The following SGK3 variants were observed in gnomAD, a reference collection of about 807,000 sequenced individuals.
The protein encoded by SGK3 is serine/threonine-protein kinase Sgk3.
Under a neutral mutation model 68.5 loss-of-function variants are expected in SGK3, and 47 were observed. The ratio of observed to expected loss-of-function variants is 0.69; its 90% confidence interval spans 0.54 to 0.87. The LOEUF (loss-of-function observed/expected upper bound fraction) is 0.87. Among genes scored for constraint, SGK3 ranks in the 40% least tolerant of loss-of-function variants. The pLI is 0.00. For synonymous variants in SGK3, 181 were observed against 189.1 expected (o/e 0.96, Z 0.35); for missense variants, 479 against 575.5 (o/e 0.83, Z 1.72).
intron 1 of SGK3, among the ~76,000 whole-genome samples, chr8:66,756,057 G>A (rs1324421532): frequency 6.6e-6 from 1 of 152,118 alleles, no homozygotes; most frequent in Admixed American, 6.5e-5. Flanking sequence ...AGGTAATAAA[G>A]TTAACATGAG....
chr8:66,732,404 C>G (rs1016358638), intron 1 of SGK3, among the ~76,000 whole-genome samples: 1 of 151,642 alleles, frequency 6.6e-6, no homozygotes, highest in Non-Finnish European at 1.5e-5. Flanking sequence ...AGGAGAATCA[C>G]TTGAACCCAG....
At chr8:66,811,671 AGAAAG>A (rs1474868086) in intron 4 of SGK3, among the ~76,000 whole-genome samples, 10 of 152,362 alleles carry the variant, frequency 6.6e-5, no homozygotes, top group Middle Eastern at 6.8e-3. Flanking sequence ...AGCTCACTGA[AGAAAG>A]GAAATTCCTC....
intron 1 of SGK3, among the ~76,000 whole-genome samples, chr8:66,756,277 T>A (rs1805969969): frequency 6.6e-6 from 1 of 152,164 alleles, no homozygotes; most frequent in African/African-American, 2.4e-5. Flanking sequence ...AATGCATTTC[T>A]GTTGTTTAAA....
intron 1 of SGK3, among the ~76,000 whole-genome samples, chr8:66,738,512 C>T (rs889017883): frequency 2.0e-5 from 3 of 152,202 alleles, no homozygotes; most frequent in African/African-American, 7.2e-5. Flanking sequence ...TGGCATTCCC[C>T]GGCTATCAGC....
intron 1 of SGK3, among the ~76,000 whole-genome samples, chr8:66,782,327 T>C (rs959837754): frequency 1.9e-4 from 26 of 138,306 alleles, no homozygotes; most frequent in Non-Finnish European, 3.8e-4. Flanking sequence ...TGTGTATGGC[T>C]TTTTTTTTTT....
chr8:66,786,851 T>C (rs1364730878), intron 1 of SGK3, among the ~76,000 whole-genome samples: 1 of 149,322 alleles, frequency 6.7e-6, no homozygotes, highest in Non-Finnish European at 1.5e-5. Flanking sequence ...CATAACATCA[T>C]ACTTAACAAA....
intron 3 of SGK3, among the ~76,000 whole-genome samples, chr8:66,801,304 A>G (rs1263561096): frequency 6.6e-6 from 1 of 152,208 alleles, no homozygotes; most frequent in Non-Finnish European, 1.5e-5. Flanking sequence ...GTGATATTCA[A>G]CCTGTATAGT....
chr8:66,813,772 GT>G, intron 4 of SGK3, 80 bp from the exon 5 acceptor site: 2 of 1,231,668 alleles, frequency 1.6e-6, no homozygotes, highest in South Asian at 4.8e-5. Flanking sequence ...TCACTATCTT[GT>G]GCTTGTCTAT....
chr8:66,805,680 T>C (rs1306797638), intron 4 of SGK3, among the ~76,000 whole-genome samples: 1 of 152,188 alleles, frequency 6.6e-6, no homozygotes, highest in Non-Finnish European at 1.5e-5. Context: ...AGATGGCTAC[T>C]TACAGGGAAA....
intron 1 of SGK3, chr8:66,767,686 GA>G: frequency 7.0e-7 from 1 of 1,422,932 alleles, no homozygotes; most frequent in Non-Finnish European, 9.9e-7. Context: ...GCCATCATCT[GA>G]GGCAGGAACA....
chr8:66,717,477 G>A (rs1586664485), intron 1 of SGK3, among the ~76,000 whole-genome samples: 1 of 152,046 alleles, frequency 6.6e-6, no homozygotes. Context: ...TGCAGTGAGC[G>A]AGATCGCACC....
chr8:66,848,937 G>A (rs1810150157), intron 15 of SGK3, among the ~76,000 whole-genome samples: 1 of 152,192 alleles, frequency 6.6e-6, no homozygotes, highest in Non-Finnish European at 1.5e-5. Flanking sequence ...GCCCTCAGCA[G>A]CATTTAAACT....
At chr8:66,842,940 G>T (rs1809855686) in intron 13 of SGK3, among the ~76,000 whole-genome samples, 1 of 151,994 alleles carries the variant, frequency 6.6e-6, no homozygotes, top group South Asian at 2.1e-4. Context: ...GTGTGGTGGC[G>T]CATGCCTCTA....
intron 1 of SGK3, among the ~76,000 whole-genome samples, chr8:66,734,655 G>A (rs1283493729): frequency 2.0e-5 from 3 of 152,118 alleles, no homozygotes; most frequent in East Asian, 3.8e-4. Flanking sequence ...GTTGTCAAAA[G>A]TAGGTGCAGG....
rs576182235 is a variant in SGK3 at position 66,847,363 on chromosome 8, T to G, written c.1230+15T>G. ...AGGAAGACTTTGTATGTAACAGCTT[T>G]TCTAGCTCCAGCTTTATTTAAGCTT... On this transcript the variant is annotated intron_variant, in intron 15 of 16. Transcript: ENST00000521198. 1 of 1,609,222 alleles carries G rather than the reference T, an allele frequency of 6.2e-7. No homozygotes were observed. Among genetic ancestry groups the G allele is most frequent in the East Asian group, 2.2e-5 (1 of 44,858 alleles).
intron 1 of SGK3, chr8:66,790,978 C>T (rs1807429683): frequency 6.6e-6 from 1 of 152,192 alleles, no homozygotes; most frequent in African/African-American, 2.4e-5. Flanking sequence ...AGTTACATGA[C>T]ATGCTCAAAA....
chr8:66,814,828 T>C (rs546210316), intron 5 of SGK3, among the ~76,000 whole-genome samples: 80 of 152,360 alleles, frequency 5.3e-4, no homozygotes, highest in Non-Finnish European at 1.1e-3. Flanking sequence ...TTGGTAGATA[T>C]ATGGTTTGGC....
At chr8:66,769,295 C>T (rs1232385608) in intron 1 of SGK3, among the ~76,000 whole-genome samples, 1 of 152,158 alleles carries the variant, frequency 6.6e-6, no homozygotes, top group Non-Finnish European at 1.5e-5. Context: ...ACAATCTCAG[C>T]TCACTGAAAC....
chr8:66,832,198 A>G (rs1344076328), intron 8 of SGK3, among the ~76,000 whole-genome samples: 1 of 152,212 alleles, frequency 6.6e-6, no homozygotes, highest in Non-Finnish European at 1.5e-5. Flanking sequence ...TGAATCATGT[A>G]ACTTGACAGT....
Sources: allele counts gnomAD v4.1 joint callset (sites outside exome capture counted in the v4.1 genomes callset), GRCh38; gene constraint gnomAD v4.1.1; transcripts MANE v1.5; gene names NCBI Gene and HGNC (gene_info 2026-07-23, HGNC 2026-07-21).